AMMECR1: variants seen among roughly 807,000 people sequenced by gnomAD.
The protein encoded by AMMECR1 is nuclear protein AMMECR1.
AMMECR1 carries 3 observed loss-of-function variants against 22.5 expected under a neutral mutation model. That is an observed-to-expected ratio of 0.13 (90% CI 0.06 to 0.35). The LOEUF (loss-of-function observed/expected upper bound fraction) is 0.35, where lower values mean the gene tolerates loss of function less well. Among genes scored for constraint, AMMECR1 ranks in the 10% least tolerant of loss-of-function variants. The pLI, the probability that AMMECR1 is intolerant of heterozygous loss-of-function variation, is 1.00. For missense variants in AMMECR1, 235 were observed against 278.7 expected (o/e 0.84, Z 1.12); for synonymous variants, 130 against 116.7 (o/e 1.11, Z -0.74).
intron 2 of AMMECR1, among the ~76,000 whole-genome samples, chrX:110,261,317 C>T (rs1222493547): frequency 9.0e-6 from 1 of 111,522 alleles, no homozygotes; most frequent in African/African-American, 3.3e-5. Flanking sequence ...AAAAAGATGC[C>T]TATACCTAGA....
intron 3 of AMMECR1, among the ~76,000 whole-genome samples, chrX:110,211,184 G>T (rs1305665443): frequency 8.9e-6 from 1 of 112,634 alleles, no homozygotes; most frequent in African/African-American, 3.2e-5. Flanking sequence ...AAGTGATCTT[G>T]TCTCTAAAGC....
At chrX:110,352,634 T>C (rs2068215397) in intron 2 of AMMECR1, among the ~76,000 whole-genome samples, 1 of 111,715 alleles carries the variant, frequency 9.0e-6, no homozygotes, top group African/African-American at 3.3e-5. Context: ...TTAATTATGG[T>C]GATGTTTGCA....
intron 1 of AMMECR1, among the ~76,000 whole-genome samples, chrX:110,427,671 A>G (rs1041951709): frequency 2.0e-4 from 23 of 112,458 alleles, no homozygotes; most frequent in African/African-American, 7.1e-4. Context: ...TCTAATATAC[A>G]GTCAAGGCTG....
chrX:110,414,593 C>T (rs757173227), intron 2 of AMMECR1, among the ~76,000 whole-genome samples: 1 of 113,111 alleles, frequency 8.8e-6, no homozygotes, highest in Non-Finnish European at 1.9e-5. Flanking sequence ...TTAAGTCACT[C>T]ACTAACGTGA....
chrX:110,366,429 C>CT (rs1459874803), intron 2 of AMMECR1, among the ~76,000 whole-genome samples: 1 of 111,601 alleles, frequency 9.0e-6, no homozygotes, highest in East Asian at 2.8e-4. Flanking sequence ...TGGTGAGGGA[C>CT]TAGTGGTTCT....
At chrX:110,299,229 A>T (rs1051961872) in intron 1 of AMMECR1, among the ~76,000 whole-genome samples, 1 of 112,078 alleles carries the variant, frequency 8.9e-6, no homozygotes, top group African/African-American at 3.2e-5. Context: ...GGTGATTAAC[A>T]TAAGGAAATA....
chrX:110,261,927 C>T (rs2067743576), intron 2 of AMMECR1, among the ~76,000 whole-genome samples: 1 of 110,978 alleles, frequency 9.0e-6, no homozygotes, highest in Non-Finnish European at 1.9e-5. Flanking sequence ...ATTTAAATTA[C>T]CTAATTCTCA....
chrX:110,349,228 T>C (rs1398396703), intron 2 of AMMECR1, among the ~76,000 whole-genome samples: 1 of 112,121 alleles, frequency 8.9e-6, no homozygotes, highest in South Asian at 3.7e-4. Context: ...AGAGGCCACA[T>C]AGCTGGTCTC....
At chrX:110,202,390 T>G in intron 4 of AMMECR1, 56 bp downstream of exon 4, 2 of 937,743 alleles carry the variant, frequency 2.1e-6, no homozygotes, top group Non-Finnish European at 3.1e-6. Context: ...GCATTTCAGT[T>G]TGTATATTTG....
intron 2 of AMMECR1, among the ~76,000 whole-genome samples, chrX:110,335,763 T>G (rs2068138799): frequency 8.9e-6 from 1 of 112,150 alleles, no homozygotes; most frequent in African/African-American, 3.2e-5. Flanking sequence ...AATCCCTAAT[T>G]CATCATGTAC....
chrX:110,329,185 C>T (rs931051488), intron 2 of AMMECR1, among the ~76,000 whole-genome samples: 5 of 112,108 alleles, frequency 4.5e-5, no homozygotes, highest in South Asian at 3.7e-4. Flanking sequence ...TATCTCACTG[C>T]GGTTTTGATT....
chrX:110,422,754 C>G (rs2068726699), intron 2 of AMMECR1, among the ~76,000 whole-genome samples: 1 of 111,940 alleles, frequency 8.9e-6, no homozygotes, highest in Admixed American at 9.5e-5. Context: ...TCTCTGATGG[C>G]TTTAATTCAC....
Position 110,357,658 on chromosome X carries a change from C to T in AMMECR1, c.-147-39809G>A, listed in dbSNP as rs771572620. Reference sequence around the variant, plus strand: ...CAAAGCTGGATGAATCTTGTATTCTCACTGAGTACAGTTCTCCAACTGATG... The same window carrying T: ...CAAAGCTGGATGAATCTTGTATTCTTACTGAGTACAGTTCTCCAACTGATG... On this transcript the variant is annotated intron_variant, in intron 2 of 7. Coordinates refer to the AMMECR1 transcript ENST00000372057. Among the ~76,000 whole-genome samples, 60 of 112,331 alleles carry T rather than the reference C, an allele frequency of 5.3e-4. 1 individual carries two copies. Among genetic ancestry groups the T allele is most frequent in the Non-Finnish European group, 7.3e-4 (39 of 53,277 alleles).
chrX:110,430,222 G>A (rs960605832), intron 1 of AMMECR1, among the ~76,000 whole-genome samples: 1 of 112,710 alleles, frequency 8.9e-6, no homozygotes, highest in Non-Finnish European at 1.9e-5. Context: ...AATGAATGTG[G>A]TACTTTACCG....
intron 1 of AMMECR1, among the ~76,000 whole-genome samples, chrX:110,437,966 C>G (rs1192960016): frequency 9.0e-6 from 1 of 111,438 alleles, no homozygotes; most frequent in Non-Finnish European, 1.9e-5. Context: ...CTTCTTGTAC[C>G]CCAGTTACAT....
intron 1 of AMMECR1, among the ~76,000 whole-genome samples, chrX:110,434,629 C>T (rs2068822885): frequency 9.0e-6 from 1 of 111,591 alleles, no homozygotes; most frequent in African/African-American, 3.3e-5. Context: ...GAACACAAGA[C>T]TGTTAGTAGA....
chrX:110,276,598 T>A (rs2067827557), intron 1 of AMMECR1, among the ~76,000 whole-genome samples: 1 of 111,640 alleles, frequency 9.0e-6, no homozygotes, highest in South Asian at 3.7e-4. Flanking sequence ...CCTTCTGGAG[T>A]CTCTCTGGAA....
At chrX:110,409,684 C>T (rs771107958) in intron 2 of AMMECR1, among the ~76,000 whole-genome samples, 6 of 108,478 alleles carry the variant, frequency 5.5e-5, no homozygotes, top group African/African-American at 1.4e-4. Context: ...ATCAATAATA[C>T]GTGTACTCCT....
intron 2 of AMMECR1, among the ~76,000 whole-genome samples, chrX:110,364,581 C>T (rs1315009720): frequency 1.8e-5 from 2 of 111,136 alleles, no homozygotes; most frequent in Non-Finnish European, 3.8e-5. Flanking sequence ...CAAATTATTG[C>T]CTTATAAGTT....
Sources: allele counts gnomAD v4.1 joint callset (sites outside exome capture counted in the v4.1 genomes callset), GRCh38; gene constraint gnomAD v4.1.1; transcripts MANE v1.5; gene names NCBI Gene and HGNC (gene_info 2026-07-23, HGNC 2026-07-21).